The following PDE10A variants were observed in gnomAD, a reference collection of about 807,000 sequenced individuals.
PDE10A encodes phosphodiesterase 10A, also known as cAMP and cAMP-inhibited cGMP 3',5'-cyclic phosphodiesterase 10A.
Under a neutral mutation model 97.7 loss-of-function variants are expected in PDE10A, and 39 were observed. The ratio of observed to expected loss-of-function variants is 0.40; its 90% CI spans 0.31 to 0.52. The LOEUF (loss-of-function observed/expected upper bound fraction) is 0.52, where lower values mean the gene tolerates loss of function less well. Ranked by LOEUF, PDE10A falls within the 20% of genes least tolerant of loss-of-function variation. The pLI is 0.56. For synonymous variants in PDE10A, 371 were observed against 376.8 expected (o/e 0.98, Z 0.18); for missense variants, 731 against 1,047.8 (o/e 0.70, Z 4.17).
intron 1 of PDE10A, among the ~76,000 whole-genome samples, chr6:165,958,581 GAC>G (rs1349539770): frequency 5.9e-4 from 14 of 23,814 alleles, no homozygotes; most frequent in Admixed American, 4.8e-3. Flanking sequence ...CAGAAAGAAA[GAC>G]AGAAAGAGAG....
At chr6:165,686,211 C>T (rs1791112446) in intron 1 of PDE10A, among the ~76,000 whole-genome samples, 2 of 151,848 alleles carry the variant, frequency 1.3e-5, no homozygotes, top group Admixed American at 1.3e-4. Context: ...GCATCCATGA[C>T]AGCGCTCGCT....
At chr6:165,410,660 C>T (rs1318799245) in intron 13 of PDE10A, among the ~76,000 whole-genome samples, 2 of 152,178 alleles carry the variant, frequency 1.3e-5, no homozygotes, top group African/African-American at 4.8e-5. Flanking sequence ...CTTTCAAGTG[C>T]AGACGGTTAA....
intron 1 of PDE10A, among the ~76,000 whole-genome samples, chr6:165,617,137 A>C (rs886989439): frequency 3.3e-5 from 5 of 152,178 alleles, no homozygotes; most frequent in African/African-American, 4.8e-5. Context: ...ATGCCAGGAG[A>C]AGCTCTGGGA....
Position 165,587,559 on chromosome 6 carries a change from A to G in PDE10A, c.866-43991T>C, listed in dbSNP as rs184510928. Among the ~76,000 whole-genome samples the G allele has an allele frequency of 2.5e-3, 388 of 152,340 alleles. 15 individuals are homozygous for G. Among genetic ancestry groups the G allele is most frequent in the Admixed American group, 0.021 (315 of 15,300 alleles). On this transcript the variant is annotated intron_variant, in intron 1 of 21. Coordinates refer to ENST00000539869, the MANE Select transcript of PDE10A (RefSeq NM_001385079.1). ...ACATTAGAAGTACTGATAGAAAATT[A>G]AATCACTGCATGTTTCATTAAGTTA...
chr6:165,740,732 G>T (rs1045059841), intron 1 of PDE10A, among the ~76,000 whole-genome samples: 3 of 152,008 alleles, frequency 2.0e-5, no homozygotes, highest in African/African-American at 7.3e-5. Flanking sequence ...AAATAAGCTG[G>T]GCATCAAAGG....
At chr6:165,969,691 A>G (rs1784613943) in intron 1 of PDE10A, among the ~76,000 whole-genome samples, 2 of 152,174 alleles carry the variant, frequency 1.3e-5, no homozygotes, top group African/African-American at 4.8e-5. Flanking sequence ...TCATCTCTAA[A>G]CAGAGAGAGA....
At chr6:165,372,058 G>A (rs1784294176) in intron 18 of PDE10A, among the ~76,000 whole-genome samples, 2 of 150,224 alleles carry the variant, frequency 1.3e-5, no homozygotes, top group Admixed American at 1.3e-4. Flanking sequence ...CAATAAATTA[G>A]GTATTGATAG....
chr6:165,448,627 A>G (rs190582256), intron 5 of PDE10A, among the ~76,000 whole-genome samples: 34 of 152,260 alleles, frequency 2.2e-4, no homozygotes, highest in African/African-American at 7.7e-4. Context: ...CCCAGCTCAC[A>G]GTGCCAAATA....
intron 1 of PDE10A, among the ~76,000 whole-genome samples, chr6:165,758,471 G>A (rs1221529175): frequency 1.6e-5 from 2 of 128,116 alleles, no homozygotes; most frequent in African/African-American, 5.1e-5. Context: ...GAAAAAAGAA[G>A]AAGAAAGAAG....
chr6:165,614,819 G>A (rs1787651490), intron 1 of PDE10A, among the ~76,000 whole-genome samples: 1 of 151,408 alleles, frequency 6.6e-6, no homozygotes, highest in African/African-American at 2.4e-5. Context: ...TAGAAGTAAG[G>A]AATGCTGAGT....
chr6:165,472,091 T>C (rs887917616), intron 3 of PDE10A, among the ~76,000 whole-genome samples: 3 of 152,164 alleles, frequency 2.0e-5, no homozygotes, highest in African/African-American at 7.2e-5. Context: ...CTTTAATGTT[T>C]GGTGGAATTA....
At chr6:165,697,548 C>A (rs1338241706) in intron 1 of PDE10A, among the ~76,000 whole-genome samples, 1 of 152,168 alleles carries the variant, frequency 6.6e-6, no homozygotes, top group Non-Finnish European at 1.5e-5. Flanking sequence ...TTCATATGAA[C>A]AAACACAGAC....
intron 1 of PDE10A, among the ~76,000 whole-genome samples, chr6:165,580,481 C>G (rs1299102190): frequency 1.3e-5 from 2 of 152,110 alleles, no homozygotes; most frequent in Admixed American, 6.5e-5. Flanking sequence ...TATTCCAGCT[C>G]AAGTAAGTTT....
At chr6:165,817,202 T>G (rs2128468395) in intron 1 of PDE10A, among the ~76,000 whole-genome samples, 1 of 152,214 alleles carries the variant, frequency 6.6e-6, no homozygotes, top group East Asian at 1.9e-4. Flanking sequence ...GAGCCCTTTA[T>G]GTAGAGGGAT....
intron 3 of PDE10A, among the ~76,000 whole-genome samples, chr6:165,462,267 T>C (rs1273489858): frequency 6.6e-6 from 1 of 152,182 alleles, no homozygotes; most frequent in African/African-American, 2.4e-5. Context: ...AAATAGAGAA[T>C]ATGGAACCCC....
At chr6:165,738,535 G>A (rs1424833257) in intron 1 of PDE10A, among the ~76,000 whole-genome samples, 1 of 151,964 alleles carries the variant, frequency 6.6e-6, no homozygotes, top group East Asian at 1.9e-4. Flanking sequence ...CCCAGTAATG[G>A]GATGGCTGGA....
intron 18 of PDE10A, among the ~76,000 whole-genome samples, chr6:165,373,261 G>C (rs1784388716): frequency 6.6e-6 from 1 of 151,626 alleles, no homozygotes; most frequent in African/African-American, 2.4e-5. Flanking sequence ...CTTCTGCACA[G>C]CAAAAGAAAC....
At chr6:165,507,807 T>C (rs1255148371) in intron 2 of PDE10A, among the ~76,000 whole-genome samples, 1 of 152,088 alleles carries the variant, frequency 6.6e-6, no homozygotes, top group Non-Finnish European at 1.5e-5. Flanking sequence ...TCAAAAAGGC[T>C]TTGAAAATCC....
upstream of PDE10A, among the ~76,000 whole-genome samples, chr6:165,668,024 G>T (rs1350425187): frequency 6.6e-6 from 1 of 152,180 alleles, no homozygotes; most frequent in East Asian, 1.9e-4. Context: ...ACACAACAAT[G>T]AGTTCTGTTT....
Sources: gnomAD v4.1 joint callset for allele counts (sites outside exome capture counted in the v4.1 genomes callset) on GRCh38, gnomAD v4.1.1 for gene constraint, MANE v1.5 for transcripts, NCBI Gene and HGNC (gene_info 2026-07-23, HGNC 2026-07-21) for gene names.